FAM78B: variants seen among roughly 807,000 people sequenced by gnomAD.
FAM78B encodes the protein family with sequence similarity 78 member B, also known as protein FAM78B.
Under a neutral mutation model 20.0 loss-of-function variants are expected in FAM78B, and 10 were observed. The observed-to-expected ratio is 0.50, with a 90% CI of 0.31 to 0.85. The LOEUF (loss-of-function observed/expected upper bound fraction) is 0.85. FAM78B is among the 40% of genes least tolerant of loss of function. FAM78B has a pLI of 0.05. For synonymous variants in FAM78B, 135 were observed against 132.8 expected (o/e 1.02, Z -0.12); for missense variants, 283 against 345.0 (o/e 0.82, Z 1.42).
chr1:166,159,230 C>T (rs922702685), intron 1 of FAM78B, among the ~76,000 whole-genome samples: 5 of 152,176 alleles, frequency 3.3e-5, no homozygotes, highest in Non-Finnish European at 5.9e-5. Context: ...CCTCACAGGC[C>T]AAACTGTGGC....
chr1:166,089,734 GGGTACCGAT>G (rs775145612), intron 1 of FAM78B, among the ~76,000 whole-genome samples: 109 of 152,076 alleles, frequency 7.2e-4, no homozygotes, highest in Non-Finnish European at 1.0e-3. Context: ...GTGAGGGGGA[GGGTACCGAT>G]GGTGCCTATG....
intron 1 of FAM78B, among the ~76,000 whole-genome samples, chr1:166,128,214 T>C (rs1529643): frequency 0.027 from 4,133 of 152,118 alleles, 257 homozygotes; most frequent in Admixed American, 0.14. Flanking sequence ...CTCTTTTATT[T>C]ATTCATTCAT....
At chr1:166,087,969 G>A (rs1191183823) in intron 1 of FAM78B, among the ~76,000 whole-genome samples, 2 of 152,308 alleles carry the variant, frequency 1.3e-5, no homozygotes, top group South Asian at 2.1e-4. Flanking sequence ...GGGGATGGCA[G>A]AGGGTACTTG....
intron 1 of FAM78B, among the ~76,000 whole-genome samples, chr1:166,158,969 T>A (rs1472340685): frequency 6.6e-6 from 1 of 152,236 alleles, no homozygotes; most frequent in Admixed American, 6.5e-5. Flanking sequence ...GCCTGCTTGG[T>A]GTTAACACAA....
At chr1:166,133,601 T>TAAA (rs5778486) in intron 1 of FAM78B, among the ~76,000 whole-genome samples, 83 of 148,660 alleles carry the variant, frequency 5.6e-4, no homozygotes, top group East Asian at 1.2e-3. Flanking sequence ...TGAGCAATCT[T>TAAA]AAAAAAAAAA....
In FAM78B at chr1:166,109,890, G is replaced by GTATATATGTA. The variant is rs1557903394; in HGVS notation, c.264-39128_264-39127insTACATATATA. ...TGTGTATATATATATATGTATATAT[G>GTATATATGTA]TATATATATATATATATATATATAT... is the stretch of plus-strand genomic sequence containing the variant. On this transcript the variant is annotated intron_variant, in intron 1 of 1. Transcript: ENST00000354422. 2.6e-3 allele frequency among the ~76,000 whole-genome samples: 60 copies of GTATATATGTA among 23,192 alleles called. 5 individuals are homozygous for GTATATATGTA. In the South Asian group the frequency reaches 0.033, roughly 13 times the overall value. The allele number at this position is 23,192 out of a possible 152,430, so 15.2% of individuals were successfully genotyped here. A position where few individuals can be genotyped will look rare whatever the true frequency, so the allele number is the denominator to read the frequency against.
chr1:166,101,708 G>A lies in FAM78B; in HGVS notation c.264-30945C>T, dbSNP rs187734877. Among the ~76,000 whole-genome samples, 649 of 152,318 alleles carry A rather than the reference G, an allele frequency of 4.3e-3. 7 individuals are homozygous for A. The highest frequency in any genetic ancestry group is 0.02 in the Middle Eastern group (6 of 294). On this transcript the variant is annotated intron_variant, in intron 1 of 1. Transcript: ENST00000354422. ...AAGCCTCCAAGAAATATGGGACTAT[G>A]TGAAAAGACCAAATCTACGTCTGAT... is the stretch of plus-strand genomic sequence containing the variant.
chr1:166,092,147 A>G (rs1349375879), intron 1 of FAM78B, among the ~76,000 whole-genome samples: 2 of 152,038 alleles, frequency 1.3e-5, no homozygotes, highest in Non-Finnish European at 2.9e-5. Flanking sequence ...TGCCCAAAAT[A>G]CCTGTAGTAT....
chr1:166,158,219 G>A (rs1204452617), intron 1 of FAM78B, among the ~76,000 whole-genome samples: 1 of 152,200 alleles, frequency 6.6e-6, no homozygotes, highest in East Asian at 1.9e-4. Flanking sequence ...CAACTACTCG[G>A]GAGGCTGAGG....
intron 1 of FAM78B, among the ~76,000 whole-genome samples, chr1:166,110,459 T>C (rs1654006857): frequency 6.6e-6 from 1 of 152,190 alleles, no homozygotes; most frequent in South Asian, 2.1e-4. Flanking sequence ...ATTATTATTG[T>C]TCTTTTTCCC....
rs145071219 is a variant in FAM78B, at chr1:166,088,872, A to T, written c.264-18109T>A. 2.8e-4 allele frequency among the ~76,000 whole-genome samples: 42 copies of T among 152,130 alleles called. No homozygotes were observed. The East Asian group carries it at 6.6e-3, about 24-fold the overall frequency. ...AGAGGCTTCCCAGTACTGGTAGAAT[A>T]CCACCCAAACCTCTAATGTGCTCCA... On this transcript the variant is annotated intron_variant, in intron 1 of 1. Coordinates refer to ENST00000354422, the MANE Select transcript of FAM78B (RefSeq NM_001017961.5).
chr1:166,137,176 G>C (rs1297357105), intron 1 of FAM78B, among the ~76,000 whole-genome samples: 1 of 152,322 alleles, frequency 6.6e-6, no homozygotes, highest in East Asian at 1.9e-4. Flanking sequence ...AGCTAGTTGA[G>C]GAATGGCAAG....
chr1:166,095,015 G>A (rs1401081163), intron 1 of FAM78B, among the ~76,000 whole-genome samples: 5 of 152,146 alleles, frequency 3.3e-5, no homozygotes, highest in Non-Finnish European at 7.4e-5. Context: ...ATCAGCAGGT[G>A]GCTGAGCTGA....
At chr1:166,075,811 C>T (rs1314703498) in intron 1 of FAM78B, among the ~76,000 whole-genome samples, 3 of 152,148 alleles carry the variant, frequency 2.0e-5, no homozygotes, top group African/African-American at 7.2e-5. Context: ...ATTTTAAGTA[C>T]CATCTGCACT....
chr1:166,162,901 G>T (rs1353477536), intron 1 of FAM78B, among the ~76,000 whole-genome samples: 1 of 151,902 alleles, frequency 6.6e-6, no homozygotes, highest in Admixed American at 6.5e-5. Flanking sequence ...CCTCCTCCTT[G>T]CCTACCTGAA....
intron 1 of FAM78B, among the ~76,000 whole-genome samples, chr1:166,149,272 A>T (rs901992392): frequency 4.0e-5 from 6 of 151,772 alleles, no homozygotes; most frequent in Non-Finnish European, 8.8e-5. Flanking sequence ...AAACAAACAA[A>T]CAAAAAATTA....
intron 1 of FAM78B, among the ~76,000 whole-genome samples, chr1:166,151,811 G>A (rs554351930): frequency 6.6e-6 from 1 of 152,284 alleles, no homozygotes; most frequent in African/African-American, 2.4e-5. Context: ...AACAGATAGG[G>A]TTTCCGCAAA....
downstream of FAM78B, among the ~76,000 whole-genome samples, chr1:166,067,331 A>T (rs1001996039): frequency 2.0e-5 from 3 of 152,154 alleles, no homozygotes; most frequent in African/African-American, 7.2e-5. Flanking sequence ...GACCTGATTA[A>T]GAAAACTTAA....
chr1:166,160,486 G>A (rs149601972), intron 1 of FAM78B, among the ~76,000 whole-genome samples: 1 of 152,238 alleles, frequency 6.6e-6, no homozygotes, highest in African/African-American at 2.4e-5. Flanking sequence ...CAGAGGAAGT[G>A]ACAGAAGTAA....
Sources: allele counts gnomAD v4.1 joint callset (sites outside exome capture counted in the v4.1 genomes callset), GRCh38; gene constraint gnomAD v4.1.1; transcripts MANE v1.5; gene names NCBI Gene and HGNC (gene_info 2026-07-23, HGNC 2026-07-21).